The following TNRC6A variants were observed in gnomAD, a reference collection of about 807,000 sequenced individuals.
The protein encoded by TNRC6A is trinucleotide repeat containing adaptor 6A.
Under a neutral mutation model 221.2 loss-of-function variants are expected in TNRC6A, and 44 were observed. That is an observed-to-expected ratio of 0.20 (90% CI 0.16 to 0.26). The LOEUF is 0.26. TNRC6A is among the 10% of genes least tolerant of loss of function. TNRC6A has a pLI of 1.00. For synonymous variants in TNRC6A, 847 were observed against 838.5 expected, an observed-to-expected ratio of 1.01 and a Z score of -0.18; for missense variants, 2,199 against 2,404.4, an observed-to-expected ratio of 0.91 and a Z score of 1.79.
intron 3 of TNRC6A, among the ~76,000 whole-genome samples, chr16:24,757,134 T>A (rs1020180735): frequency 1.3e-5 from 2 of 149,400 alleles, no homozygotes; most frequent in African/African-American, 2.5e-5. Flanking sequence ...TCCATCAAAA[T>A]TTTTTTTTTC....
intron 14 of TNRC6A, 139 bp downstream of exon 14, chr16:24,805,290 TA>T: frequency 1.6e-6 from 2 of 1,249,666 alleles, no homozygotes; most frequent in Middle Eastern, 1.9e-4. Flanking sequence ...AATTAACTAT[TA>T]AAAAAGGTTG....
chr16:24,640,293 A>G (rs1315160582), intron 1 of TNRC6A, among the ~76,000 whole-genome samples: 1 of 151,852 alleles, frequency 6.6e-6, no homozygotes, highest in East Asian at 1.9e-4. Context: ...CTAGCTACTC[A>G]GGAGGCTGAG....
At chr16:24,754,931 C>G (rs974358709) in intron 3 of TNRC6A, among the ~76,000 whole-genome samples, 3 of 152,018 alleles carry the variant, frequency 2.0e-5, no homozygotes, top group Non-Finnish European at 4.4e-5. Flanking sequence ...TTAAATGAGA[C>G]CTAGGTTTTA....
Position 24,820,405 on chromosome 16 carries a change from A to G in TNRC6A, c.5302+45A>G, listed in dbSNP as rs2287784. 7,769 of 1,567,012 alleles carry G rather than the reference A, an allele frequency of 5.0e-3. 280 individuals carry two copies. The East Asian group carries it at 0.077, about 15-fold the overall frequency. ...TGGGTTTCTGTGGTTTATTTGCTAA[A>G]CGCTAACCAGTACTAACAGTCGAGT... On this transcript the variant is annotated intron_variant, in intron 22 of 24. Transcript: ENST00000395799.
Position 24,729,822 on chromosome 16 carries a change from T to G in TNRC6A, c.-20T>G. The G allele has an allele frequency of 1.4e-6, 2 of 1,406,064 alleles. No individual in the cohort carries two copies. The highest frequency in any genetic ancestry group is 1.9e-6 in the Non-Finnish European group (2 of 1,072,080). 87.1% of individuals were successfully genotyped at this position (1,406,064 alleles called of 1,614,324 possible). A position where few individuals can be genotyped will look rare whatever the true frequency, so the allele number is the denominator to read the frequency against. ...CGAGCCTCCTTCGCCGCGCCCCACT[T>G]GCTCGTGCACTTTACACACATGAGG... On this transcript the variant is annotated 5_prime_UTR_variant, in exon 1 of 25. Coordinates refer to ENST00000395799, the MANE Select transcript of TNRC6A (RefSeq NM_014494.4).
intron 2 of TNRC6A, among the ~76,000 whole-genome samples, chr16:24,693,545 G>A (rs553996817): frequency 9.9e-5 from 15 of 151,962 alleles, no homozygotes; most frequent in East Asian, 1.9e-4. Flanking sequence ...CCGAGATCGC[G>A]CCACTGCACT....
intron 4 of TNRC6A, among the ~76,000 whole-genome samples, chr16:24,774,078 C>T (rs1324475687): frequency 6.6e-6 from 1 of 152,034 alleles, no homozygotes; most frequent in South Asian, 2.1e-4. Flanking sequence ...TTTCCATGTC[C>T]GTTGAATAGA....
intron 10 of TNRC6A, 46 bp downstream of exon 10, chr16:24,797,616 C>T (rs1434548876): frequency 1.4e-6 from 2 of 1,387,578 alleles, no homozygotes; most frequent in Non-Finnish European, 2.0e-6. Flanking sequence ...AATGGTGGTC[C>T]ATGATTTATC....
chr16:24,823,772 G>C lies in TNRC6A; in HGVS notation c.5854G>C (p.Val1952Leu). 6.7e-7 allele frequency: 1 copy of C among 1,482,668 alleles called. No individual in the cohort carries two copies. Among genetic ancestry groups the C allele is most frequent in the Non-Finnish European group, 9.0e-7 (1 of 1,116,260 alleles). The allele number at this position is 1,482,668 out of a possible 1,614,324, so 91.8% of individuals were successfully genotyped here. ...ATCTCCCATTAACGCTTTTCTTTCT[G>C]TTGACCACCTGGGTGGGGGTGGAGA... ...SPSPINAFLS[V>L]DHLGGGGESM The change falls in exon 25 of 25, where the codon GTT becomes CTT. Residue 1952 changes from valine (V) to leucine (L), a missense_variant. Transcript: ENST00000395799. This position sits in a 1 kb window ranked among gnomAD's most constrained non-coding sequence, Gnocchi z 4.3.
chr16:24,634,431 GATAA>G (rs1188900905), intron 1 of TNRC6A, among the ~76,000 whole-genome samples: 2 of 151,890 alleles, frequency 1.3e-5, no homozygotes, highest in Admixed American at 1.3e-4. Context: ...CCCTGTCTCA[GATAA>G]ATAAATAAAT....
chr16:24,788,803 C>G (rs1028458202), intron 5 of TNRC6A, among the ~76,000 whole-genome samples: 4 of 152,140 alleles, frequency 2.6e-5, no homozygotes, highest in Non-Finnish European at 5.9e-5. Flanking sequence ...CGCCCACCAC[C>G]ATGCCCGGCT....
chr16:24,793,069 A>C (rs939589078), intron 6 of TNRC6A, among the ~76,000 whole-genome samples: 8 of 152,268 alleles, frequency 5.3e-5, no homozygotes, highest in African/African-American at 1.9e-4. Flanking sequence ...GATTACAGGC[A>C]TCAGCCACTG....
At chr16:24,774,281 T>C (rs2057675635) in intron 4 of TNRC6A, among the ~76,000 whole-genome samples, 1 of 152,216 alleles carries the variant, frequency 6.6e-6, no homozygotes, top group South Asian at 2.1e-4. Context: ...TTATTTTGTA[T>C]CTAAGATTGT....
intron 1 of TNRC6A, among the ~76,000 whole-genome samples, chr16:24,627,501 C>G (rs893951972): frequency 6.6e-6 from 1 of 151,962 alleles, no homozygotes; most frequent in African/African-American, 2.4e-5. Context: ...AGACCTCTCT[C>G]GCTCTTAATA....
chr16:24,704,694 A>G (rs1174384303), intron 2 of TNRC6A, among the ~76,000 whole-genome samples: 2 of 147,640 alleles, frequency 1.4e-5, no homozygotes, highest in Non-Finnish European at 3.0e-5. Flanking sequence ...AAAAAAAAAA[A>G]GAAAGAAAAA....
chr16:24,640,250 A>G (rs1901868357), intron 1 of TNRC6A, among the ~76,000 whole-genome samples: 1 of 152,056 alleles, frequency 6.6e-6, no homozygotes, highest in Non-Finnish European at 1.5e-5. Context: ...AAATACAAAA[A>G]TTAGCTGGGC....
chr16:24,784,804 A>G (rs1040261185), intron 5 of TNRC6A, among the ~76,000 whole-genome samples: 4 of 152,232 alleles, frequency 2.6e-5, no homozygotes, highest in Non-Finnish European at 5.9e-5. Flanking sequence ...CATGACCAGA[A>G]TCTGAGAACA....
intron 3 of TNRC6A, among the ~76,000 whole-genome samples, chr16:24,756,336 C>T (rs968756774): frequency 2.0e-5 from 3 of 152,100 alleles, no homozygotes; most frequent in Non-Finnish European, 4.4e-5. Flanking sequence ...CTGGAAAATT[C>T]TTTTTAATAA....
chr16:24,797,801 C>T, intron 10 of TNRC6A, 114 bp from the exon 11 acceptor site: 6 of 985,456 alleles, frequency 6.1e-6, no homozygotes, highest in Non-Finnish European at 8.8e-6. Context: ...AAAAATGAAG[C>T]TTTATGATCC....
Sources: gnomAD v4.1 joint callset for allele counts (sites outside exome capture counted in the v4.1 genomes callset) on GRCh38, gnomAD v4.1.1 for gene constraint, Gnocchi (gnomAD v3.1) non-coding constraint, MANE v1.5 for transcripts, NCBI Gene and HGNC (gene_info 2026-07-23, HGNC 2026-07-21) for gene names.